Variants in ZFAT observed in about 807,000 individuals in gnomAD.
ZFAT encodes the protein zinc finger protein ZFAT.
Under a neutral mutation model 117.7 loss-of-function variants are expected in ZFAT, and 64 were observed. The observed-to-expected ratio is 0.54, with a 90% CI of 0.44 to 0.67. The LOEUF is 0.67. ZFAT is among the 30% of genes least tolerant of loss of function. ZFAT has a pLI of 0.00. For synonymous variants in ZFAT, 679 were observed against 615.0 expected, an observed-to-expected ratio of 1.10 and a Z score of -1.54; for missense variants, 1,433 against 1,584.5, an observed-to-expected ratio of 0.90 and a Z score of 1.62.
intron 2 of ZFAT, among the ~76,000 whole-genome samples, chr8:134,643,869 C>G (rs1407714912): frequency 1.3e-5 from 2 of 152,194 alleles, no homozygotes; most frequent in African/African-American, 4.8e-5. Context: ...GGAATGGAGC[C>G]TAAGTCTGAT....
intron 7 of ZFAT, among the ~76,000 whole-genome samples, chr8:134,594,058 G>A (rs1184402643): frequency 6.6e-6 from 1 of 152,178 alleles, no homozygotes; most frequent in Non-Finnish European, 1.5e-5. Context: ...TCAACTCAAG[G>A]GTTTTCCTTT....
chr8:134,567,777 T>G (rs1047672000), intron 10 of ZFAT, among the ~76,000 whole-genome samples: 5 of 152,064 alleles, frequency 3.3e-5, no homozygotes, highest in Middle Eastern at 6.8e-3. Flanking sequence ...CTCCAAACTT[T>G]CTGCTTTGCC....
chr8:134,803,694 A>G, the ZFAT span, among the ~76,000 whole-genome samples: 1 of 152,230 alleles, frequency 6.6e-6, no homozygotes, highest in Non-Finnish European at 1.5e-5. Flanking sequence ...TGGATAAAAG[A>G]TAAGAGGCAA....
chr8:134,511,625 C>T (rs1392166170), intron 14 of ZFAT, among the ~76,000 whole-genome samples: 3 of 152,186 alleles, frequency 2.0e-5, no homozygotes, highest in Non-Finnish European at 2.9e-5. Context: ...CCTAATGCTT[C>T]CCTTTTAACC....
chr8:134,584,150 T>G, intron 9 of ZFAT, 145 bp from the exon 10 acceptor site: 2 of 943,136 alleles, frequency 2.1e-6, no homozygotes. Context: ...AGCAGTATAC[T>G]TGCTTGGCCC....
Position 134,478,756 on chromosome 8 carries a change from G to T in ZFAT, c.3493-35C>A, listed in dbSNP as rs376167525. ...GAGGGCAAGAGAAAGGTCACCCAGCGCCTACTTCCCGGTCCAGCGTAACAA... is the reference window on the plus strand; with the variant it reads ...GAGGGCAAGAGAAAGGTCACCCAGCTCCTACTTCCCGGTCCAGCGTAACAA... On this transcript the variant is annotated intron_variant, in intron 15 of 15. Transcript: ENST00000377838. This position sits in a 1 kb window ranked among gnomAD's most constrained non-coding sequence, Gnocchi z 5.2. 1.3e-6 allele frequency: 2 copies of T among 1,533,700 alleles called. No homozygotes were observed. The highest frequency in any genetic ancestry group is 2.5e-5 in the East Asian group (1 of 40,562).
intron 15 of ZFAT, among the ~76,000 whole-genome samples, chr8:134,489,932 G>C (rs1817929800): frequency 6.6e-6 from 1 of 152,052 alleles, no homozygotes; most frequent in Non-Finnish European, 1.5e-5. Context: ...TCTTCTCAAA[G>C]CAAAAGGCTT....
the ZFAT span, among the ~76,000 whole-genome samples, chr8:134,773,782 G>A: frequency 4.7e-4 from 72 of 152,306 alleles, no homozygotes; most frequent in African/African-American, 1.6e-3. Flanking sequence ...AGTGGAGCCT[G>A]AAGATGTGAC....
the ZFAT span, among the ~76,000 whole-genome samples, chr8:134,819,790 T>C: frequency 1.3e-5 from 2 of 152,230 alleles, no homozygotes; most frequent in Non-Finnish European, 1.5e-5. Flanking sequence ...CATAAAATTT[T>C]ACATGTAATT....
intron 1 of ZFAT, among the ~76,000 whole-genome samples, chr8:134,668,400 C>T (rs1269158582): frequency 2.0e-5 from 3 of 152,240 alleles, no homozygotes; most frequent in African/African-American, 7.2e-5. Flanking sequence ...TCCTCTGAGA[C>T]AAAACTTCCA....
At chr8:134,623,336 C>A (rs907107930) in intron 3 of ZFAT, among the ~76,000 whole-genome samples, 1 of 152,196 alleles carries the variant, frequency 6.6e-6, no homozygotes, top group Non-Finnish European at 1.5e-5. Context: ...CAGGAGGCTG[C>A]CCTTGGTGGT....
At chr8:134,636,864 G>A (rs879322900) in intron 3 of ZFAT, among the ~76,000 whole-genome samples, 12 of 152,198 alleles carry the variant, frequency 7.9e-5, no homozygotes, top group Non-Finnish European at 1.8e-4. Context: ...CTGAAGCCTA[G>A]TCAAGAATGT....
chr8:134,735,778 G>A, the ZFAT span, among the ~76,000 whole-genome samples: 1 of 152,064 alleles, frequency 6.6e-6, no homozygotes. Flanking sequence ...CACTATGACA[G>A]TATTATACCA....
chr8:134,537,663 C>T (rs981348599), intron 11 of ZFAT, among the ~76,000 whole-genome samples: 2 of 152,138 alleles, frequency 1.3e-5, no homozygotes, highest in Non-Finnish European at 2.9e-5. Context: ...CTCTGGATAC[C>T]TGGAAGTTAA....
chr8:134,718,369 G>T, the ZFAT span, among the ~76,000 whole-genome samples: 2 of 152,162 alleles, frequency 1.3e-5, no homozygotes, highest in East Asian at 3.9e-4. Flanking sequence ...GTGGTAGCAT[G>T]CACCTGTAAT....
chr8:134,763,891 C>T, the ZFAT span, among the ~76,000 whole-genome samples: 1 of 152,304 alleles, frequency 6.6e-6, no homozygotes, highest in East Asian at 1.9e-4. Context: ...TATTAAACCA[C>T]ACTTGGCCCA....
At chr8:134,759,084 A>G in the ZFAT span, among the ~76,000 whole-genome samples, 2 of 152,214 alleles carry the variant, frequency 1.3e-5, no homozygotes. Context: ...GTCTTTCTTT[A>G]GGGAAAGGTA....
At chr8:134,734,582 T>C in the ZFAT span, among the ~76,000 whole-genome samples, 1 of 151,994 alleles carries the variant, frequency 6.6e-6, no homozygotes, top group East Asian at 1.9e-4. Flanking sequence ...GTGGGTGCAG[T>C]AAAAGAGGGG....
At chr8:134,769,292 G>A in the ZFAT span, among the ~76,000 whole-genome samples, 1 of 152,210 alleles carries the variant, frequency 6.6e-6, no homozygotes, top group Admixed American at 6.5e-5. Flanking sequence ...AGATTCAATG[G>A]GGGTATAGCC....
Sources: gnomAD v4.1 joint callset for allele counts (sites outside exome capture counted in the v4.1 genomes callset) on GRCh38, gnomAD v4.1.1 for gene constraint, Gnocchi (gnomAD v3.1) non-coding constraint, MANE v1.5 for transcripts, NCBI Gene and HGNC (gene_info 2026-07-23, HGNC 2026-07-21) for gene names.